The following ORC3 variants were observed in gnomAD, a reference collection of about 807,000 sequenced individuals.
ORC3 encodes the protein homolog of latheo, Drosophila.
In ORC3, 78 loss-of-function variants were observed where a neutral mutation model predicts 100.7. The ratio of observed to expected loss-of-function variants is 0.77; its 90% confidence interval spans 0.65 to 0.94. The LOEUF is 0.94. Among genes scored for constraint, ORC3 ranks in the 40% least tolerant of loss-of-function variants. The probability of loss-of-function intolerance (pLI) is 0.00; values close to 1 mark genes in which losing one functional copy is unlikely to be tolerated. For synonymous variants in ORC3, 295 were observed against 289.3 expected, an observed-to-expected ratio of 1.02 and a Z score of -0.20; for missense variants, 789 against 823.9, an observed-to-expected ratio of 0.96 and a Z score of 0.52.
At chr6:87,607,645 A>G (rs1030341247) in intron 5 of ORC3, 28 bp from the exon 6 acceptor site, 2 of 1,548,374 alleles carry the variant, frequency 1.3e-6, no homozygotes, top group African/African-American at 2.8e-5. Context: ...AGGCAGAGAT[A>G]AGCTTTCTTA....
the ORC3 span, among the ~76,000 whole-genome samples, chr6:87,672,504 T>C: frequency 6.6e-6 from 1 of 152,208 alleles, no homozygotes; most frequent in Non-Finnish European, 1.5e-5. Flanking sequence ...CATGTATCCA[T>C]GAGTAGACAT....
At chr6:87,623,984 T>G (rs1025929735) in intron 11 of ORC3, among the ~76,000 whole-genome samples, 14 of 152,216 alleles carry the variant, frequency 9.2e-5, no homozygotes, top group African/African-American at 3.4e-4. Flanking sequence ...TATGCTATCC[T>G]TGTTCTTGTT....
At chr6:87,607,520 T>C (rs1312904156) in intron 5 of ORC3, among the ~76,000 whole-genome samples, 153 bp from the exon 6 acceptor site, 3 of 152,112 alleles carry the variant, frequency 2.0e-5, no homozygotes, top group Non-Finnish European at 1.5e-5. Flanking sequence ...GTAGTTAATA[T>C]GTTAAATGTT....
Position 87,630,320 on chromosome 6 carries a change from G to A in ORC3, c.1186-4525G>A, listed in dbSNP as rs111721110. Among the ~76,000 whole-genome samples, 945 of 152,284 alleles carry A rather than the reference G, an allele frequency of 6.2e-3. 14 individuals carry two copies. The highest frequency in any genetic ancestry group is 0.022 in the African/African-American group (899 of 41,540). On this transcript the variant is annotated intron_variant, in intron 11 of 19. Coordinates refer to ENST00000392844, the MANE Select transcript of ORC3 (RefSeq NM_012381.4). ...GAAGGCTGAGACAAGAGGATCACTT[G>A]ACCCTGGGAGGTCAAGGCTGCAGTG...
chr6:87,616,243 T>C (rs2128259209), intron 8 of ORC3, 71 bp from the exon 9 acceptor site: 2 of 601,814 alleles, frequency 3.3e-6, no homozygotes, highest in East Asian at 5.5e-5. Context: ...TGCCTCATTA[T>C]TAATACTTAG....
intron 18 of ORC3, among the ~76,000 whole-genome samples, 167 bp downstream of exon 18, chr6:87,665,026 G>A (rs1045725059): frequency 4.0e-4 from 61 of 152,170 alleles, no homozygotes; most frequent in African/African-American, 1.4e-3. Flanking sequence ...TCCTTAGGAA[G>A]TGGTAGTTCA....
downstream of ORC3, among the ~76,000 whole-genome samples, chr6:87,668,319 TG>T (rs1392719032): frequency 6.6e-6 from 1 of 152,196 alleles, no homozygotes; most frequent in Admixed American, 6.5e-5. Flanking sequence ...TCACAGGCTT[TG>T]AAGAGTTTTA....
At chr6:87,652,072 A>G (rs1271015696) in intron 13 of ORC3, among the ~76,000 whole-genome samples, 2 of 151,772 alleles carry the variant, frequency 1.3e-5, no homozygotes, top group African/African-American at 4.8e-5. Flanking sequence ...CTAATTTTTT[A>G]TAATTTTAGT....
chr6:87,671,589 G>C (rs945968314), downstream of ORC3, among the ~76,000 whole-genome samples: 3 of 152,050 alleles, frequency 2.0e-5, no homozygotes, highest in Admixed American at 2.0e-4. Flanking sequence ...AAGCTCGGGG[G>C]CACACCTATG....
intron 7 of ORC3, among the ~76,000 whole-genome samples, chr6:87,609,771 C>T (rs953329465): frequency 3.3e-5 from 5 of 151,936 alleles, no homozygotes; most frequent in East Asian, 1.9e-4. Flanking sequence ...AGGCTGTTCT[C>T]GAACTCCTGA....
intron 11 of ORC3, among the ~76,000 whole-genome samples, chr6:87,632,948 A>C (rs1767537765): frequency 6.6e-6 from 1 of 152,236 alleles, no homozygotes. Flanking sequence ...GTATGAAGGA[A>C]CTGAGACCAC....
At chr6:87,614,533 G>A (rs184050304) in intron 8 of ORC3, among the ~76,000 whole-genome samples, 1 of 152,240 alleles carries the variant, frequency 6.6e-6, no homozygotes, top group African/African-American at 2.4e-5. Context: ...TCATTGTCAG[G>A]CTGCAAATTT....
chr6:87,623,053 G>C (rs753095041), intron 11 of ORC3, among the ~76,000 whole-genome samples: 2 of 152,124 alleles, frequency 1.3e-5, no homozygotes, highest in Non-Finnish European at 2.9e-5. Flanking sequence ...ACGATTTTCA[G>C]ATTTTGAACA....
chr6:87,653,063 T>A, intron 13 of ORC3, 53 bp from the exon 14 acceptor site: 2 of 1,412,414 alleles, frequency 1.4e-6, no homozygotes, highest in South Asian at 1.4e-5. Context: ...AAATGTTTTT[T>A]AAGTGTTAAT....
chr6:87,667,132 T>A lies in ORC3; in HGVS notation c.*9T>A. On this transcript the variant is annotated 3_prime_UTR_variant, in exon 20 of 20. Transcript: ENST00000392844. ...CATGGGGAGGCTGCTAGAAAGCAAA[T>A]AAGCAAAGCCAGAACTATCACATTT... is the stretch of plus-strand genomic sequence containing the variant. 6.6e-7 allele frequency: 1 copy of A among 1,503,890 alleles called. No homozygotes were observed. The allele number at this position is 1,503,890 out of a possible 1,614,324, so 93.2% of individuals were successfully genotyped here.
intron 11 of ORC3, among the ~76,000 whole-genome samples, chr6:87,624,451 C>G (rs7750528): frequency 0.064 from 9,779 of 152,012 alleles, 410 homozygotes; most frequent in African/African-American, 0.12. Flanking sequence ...GCCCTAGCGT[C>G]GGCAACAGAG....
intron 14 of ORC3, 70 bp downstream of exon 14, chr6:87,653,319 C>T: frequency 6.9e-7 from 1 of 1,450,352 alleles, no homozygotes; most frequent in Non-Finnish European, 9.5e-7. Flanking sequence ...ATGGAAAACC[C>T]CACCTTCTGA....
chr6:87,674,137 C>T, the ORC3 span, among the ~76,000 whole-genome samples: 3 of 151,704 alleles, frequency 2.0e-5, no homozygotes, highest in African/African-American at 4.8e-5. Context: ...CCTGTCTCTA[C>T]TAAAAATACA....
intron 11 of ORC3, among the ~76,000 whole-genome samples, chr6:87,623,687 C>A (rs556378470): frequency 1.3e-5 from 2 of 152,166 alleles, no homozygotes; most frequent in African/African-American, 4.8e-5. Context: ...AGTTCAAGAC[C>A]AGTCTGGCCA....
Sources: gnomAD v4.1 joint callset for allele counts (sites outside exome capture counted in the v4.1 genomes callset) on GRCh38, gnomAD v4.1.1 for gene constraint, MANE v1.5 for transcripts, NCBI Gene and HGNC (gene_info 2026-07-23, HGNC 2026-07-21) for gene names.